RERE: variants seen among roughly 807,000 people sequenced by gnomAD.
RERE encodes arginine-glutamic acid dipeptide repeats protein.
RERE carries 40 observed loss-of-function variants against 146.1 expected under a neutral mutation model. The ratio of observed to expected loss-of-function variants is 0.27; its 90% CI spans 0.21 to 0.36. RERE has a LOEUF of 0.36. Among genes scored for constraint, RERE ranks in the 10% least tolerant of loss-of-function variants. The pLI, the probability that RERE is intolerant of heterozygous loss-of-function variation, is 1.00. For synonymous variants in RERE, 1,003 were observed against 866.0 expected (o/e 1.16, Z -2.78); for missense variants, 1,933 against 2,138.7 (o/e 0.90, Z 1.90).
chr1:8,516,600 C>A (rs1420001353), intron 7 of RERE, among the ~76,000 whole-genome samples: 1 of 152,068 alleles, frequency 6.6e-6, no homozygotes, highest in Non-Finnish European at 1.5e-5. Flanking sequence ...GATTAAACAG[C>A]AAATAAGTGG....
At chr1:8,573,002 T>C (rs1259272542) in intron 4 of RERE, among the ~76,000 whole-genome samples, 1 of 152,182 alleles carries the variant, frequency 6.6e-6, no homozygotes, top group Non-Finnish European at 1.5e-5. Flanking sequence ...CCCTAATGAT[T>C]CCATACACCA....
At chr1:8,396,239 T>C (rs1029704577) in intron 12 of RERE, among the ~76,000 whole-genome samples, 1 of 152,196 alleles carries the variant, frequency 6.6e-6, no homozygotes, top group Non-Finnish European at 1.5e-5. Flanking sequence ...GGGGTCAAAT[T>C]TGAATCCCAG....
At chr1:8,380,950 C>A (rs766031119) in intron 12 of RERE, 1 of 456,718 alleles carries the variant, frequency 2.2e-6, no homozygotes, top group Non-Finnish European at 4.4e-6. Flanking sequence ...TTCTTGAGTC[C>A]TTCCCTGGGT....
intron 1 of RERE, among the ~76,000 whole-genome samples, chr1:8,760,976 A>G (rs565376295): frequency 1.9e-4 from 29 of 152,280 alleles, no homozygotes; most frequent in Admixed American, 1.9e-3. Context: ...GCTCCATTAT[A>G]TAGACAAGGA....
intron 7 of RERE, 48 bp from the exon 8 acceptor site, chr1:8,508,723 A>G (rs1645289819): frequency 2.1e-6 from 3 of 1,431,908 alleles, no homozygotes; most frequent in East Asian, 2.3e-5. Context: ...CAGTTTTGAC[A>G]TAAACATTCA....
intron 6 of RERE, among the ~76,000 whole-genome samples, chr1:8,543,874 A>G (rs1015462120): frequency 6.6e-6 from 1 of 152,200 alleles, no homozygotes; most frequent in African/African-American, 2.4e-5. Context: ...ATTTTTCTCT[A>G]CCATCAAGCC....
chr1:8,421,940 G>A (rs1443047988), intron 12 of RERE, among the ~76,000 whole-genome samples: 1 of 152,034 alleles, frequency 6.6e-6, no homozygotes, highest in East Asian at 1.9e-4. Flanking sequence ...GCCCTATCCC[G>A]TGGCCTAGCC....
intron 12 of RERE, among the ~76,000 whole-genome samples, chr1:8,407,287 G>A (rs1643473329): frequency 6.6e-6 from 1 of 152,212 alleles, no homozygotes; most frequent in Admixed American, 6.5e-5. Context: ...TTGCTGCCTA[G>A]AGAAGGGGAT....
intron 19 of RERE, among the ~76,000 whole-genome samples, chr1:8,359,303 G>A (rs1019783765): frequency 6.6e-6 from 1 of 152,152 alleles, no homozygotes; most frequent in Non-Finnish European, 1.5e-5. Context: ...TCCTCCCCGC[G>A]ACAGCAGAGA....
intron 11 of RERE, among the ~76,000 whole-genome samples, chr1:8,461,045 C>T (rs768942892): frequency 2.6e-5 from 4 of 152,192 alleles, no homozygotes; most frequent in Non-Finnish European, 5.9e-5. Flanking sequence ...CAAATGCTAC[C>T]TTCAGCTCGC....
chr1:8,387,816 G>A (rs1325267312), intron 12 of RERE, among the ~76,000 whole-genome samples: 1 of 152,214 alleles, frequency 6.6e-6, no homozygotes, highest in East Asian at 1.9e-4. Flanking sequence ...GAAGTTACTG[G>A]AATTCTTACA....
intron 2 of RERE, among the ~76,000 whole-genome samples, chr1:8,629,635 A>C (rs1647012153): frequency 6.6e-6 from 1 of 152,218 alleles, no homozygotes; most frequent in South Asian, 2.1e-4. Context: ...AGAACCTGTC[A>C]GCATCTTTTC....
At chr1:8,647,101 C>G (rs1025718312) in intron 2 of RERE, among the ~76,000 whole-genome samples, 1 of 152,168 alleles carries the variant, frequency 6.6e-6, no homozygotes, top group Non-Finnish European at 1.5e-5. Context: ...AGAGGTAACA[C>G]GACCCTGCCA....
At position 8,786,978 on chromosome 1, in the gene RERE, G is replaced by T; in HGVS notation, c.-145+30182C>A. ...ATCGCAGTCTAACTTTCACACAGCAGCCAAAGTGATCTTTATAAGACAGAG... is the reference window on the plus strand; with the variant it reads ...ATCGCAGTCTAACTTTCACACAGCATCCAAAGTGATCTTTATAAGACAGAG... On this transcript the variant is annotated intron_variant, in intron 1 of 22. Transcript: ENST00000400908. 4.8e-6 allele frequency: 3 copies of T among 621,902 alleles called. No homozygotes were observed. The South Asian group carries it at 5.7e-5, about 12-fold the overall frequency. 38.5% of individuals were successfully genotyped at this position (621,902 alleles called of 1,614,324 possible).
intron 10 of RERE, among the ~76,000 whole-genome samples, chr1:8,472,315 C>T (rs1043130653): frequency 1.3e-5 from 2 of 152,144 alleles, no homozygotes; most frequent in African/African-American, 2.4e-5. Context: ...CTGTGAAAAA[C>T]ATTACGTAGA....
intron 1 of RERE, among the ~76,000 whole-genome samples, chr1:8,732,549 G>A (rs1050880078): frequency 6.6e-6 from 1 of 151,926 alleles, no homozygotes; most frequent in African/African-American, 2.4e-5. Context: ...TAATGGTGGT[G>A]AAACTATTCT....
chr1:8,541,130 ACT>A, intron 7 of RERE, 82 bp downstream of exon 7: 1 of 692,906 alleles, frequency 1.4e-6, no homozygotes. Context: ...AGAAGCATAA[ACT>A]ACACACACAC....
At chr1:8,499,126 G>C (rs968913858) in intron 8 of RERE, among the ~76,000 whole-genome samples, 1 of 152,102 alleles carries the variant, frequency 6.6e-6, no homozygotes, top group Non-Finnish European at 1.5e-5. Context: ...CCTGTGAAAA[G>C]TCAGATATTT....
intron 11 of RERE, among the ~76,000 whole-genome samples, chr1:8,439,148 GA>G (rs1644211508): frequency 6.6e-6 from 1 of 152,200 alleles, no homozygotes. Context: ...CCAAGTGGCT[GA>G]AACAACAGAC....
Sources: gnomAD v4.1 joint callset for allele counts (sites outside exome capture counted in the v4.1 genomes callset) on GRCh38, gnomAD v4.1.1 for gene constraint, MANE v1.5 for transcripts, NCBI Gene and HGNC (gene_info 2026-07-23, HGNC 2026-07-21) for gene names.